DPP10: variants seen among roughly 807,000 people sequenced by gnomAD.
DPP10 encodes the protein dipeptidyl peptidase like 10.
Under a neutral mutation model 120.9 loss-of-function variants are expected in DPP10, and 33 were observed. That is an observed-to-expected ratio of 0.27 (90% CI 0.21 to 0.37). The LOEUF (loss-of-function observed/expected upper bound fraction) is 0.37. Among genes scored for constraint, DPP10 ranks in the 10% least tolerant of loss-of-function variants. The pLI is 1.00. For missense variants in DPP10, 816 were observed against 942.8 expected, an observed-to-expected ratio of 0.87 and a Z score of 1.76; for synonymous variants, 337 against 326.1, an observed-to-expected ratio of 1.03 and a Z score of -0.36.
chr2:114,659,585 A>C (rs1697241383), intron 1 of DPP10, among the ~76,000 whole-genome samples: 3 of 152,068 alleles, frequency 2.0e-5, no homozygotes. Flanking sequence ...CCAAGAGTGC[A>C]TTCATTGCTT....
At chr2:114,727,042 C>CA (rs1345546769) in intron 1 of DPP10, among the ~76,000 whole-genome samples, 4 of 152,140 alleles carry the variant, frequency 2.6e-5, no homozygotes, top group African/African-American at 9.7e-5. Flanking sequence ...GTTTGGATCC[C>CA]AATTTTCCCA....
intron 1 of DPP10, among the ~76,000 whole-genome samples, chr2:115,246,387 C>T (rs2058534469): frequency 1.3e-5 from 2 of 152,048 alleles, no homozygotes; most frequent in Non-Finnish European, 2.9e-5. Flanking sequence ...CTTTATTCTG[C>T]CTGGGGAAAG....
At chr2:115,380,611 A>C (rs1466337300) in intron 3 of DPP10, among the ~76,000 whole-genome samples, 2 of 150,246 alleles carry the variant, frequency 1.3e-5, no homozygotes, top group African/African-American at 4.9e-5. Flanking sequence ...TTAGCTGGTT[A>C]TTTTGCTCGT....
chr2:115,377,803 A>G (rs2065933326), intron 3 of DPP10, among the ~76,000 whole-genome samples: 1 of 152,144 alleles, frequency 6.6e-6, no homozygotes, highest in African/African-American at 2.4e-5. Flanking sequence ...CATTTATTAA[A>G]TAGGGAATCC....
chr2:114,850,156 G>A (rs1049775364), intron 1 of DPP10, among the ~76,000 whole-genome samples: 1 of 151,400 alleles, frequency 6.6e-6, no homozygotes, highest in African/African-American at 2.4e-5. Flanking sequence ...AAGTAGCTGG[G>A]ACTATAGGTG....
Position 115,524,991 on chromosome 2 carries a change from A to G in DPP10, c.367-907A>G, listed in dbSNP as rs1016865783. Among the ~76,000 whole-genome samples, 3 of 152,218 alleles carry G rather than the reference A, an allele frequency of 2.0e-5. No homozygotes were observed. In the East Asian group the frequency reaches 5.8e-4, roughly 29 times the overall value. ...AAAACAAACAAACAAACAAACAAAAACAAAACAAAGAAACTCTGACTTTAC... is the reference window on the plus strand; with the variant it reads ...AAAACAAACAAACAAACAAACAAAAGCAAAACAAAGAAACTCTGACTTTAC... On this transcript the variant is annotated intron_variant, in intron 4 of 25. Transcript: ENST00000410059.
At chr2:114,875,328 T>C (rs1232105373) in intron 1 of DPP10, among the ~76,000 whole-genome samples, 1 of 152,158 alleles carries the variant, frequency 6.6e-6, no homozygotes, top group Non-Finnish European at 1.5e-5. Flanking sequence ...CATAGCCATT[T>C]GGGACAGCAG....
chr2:115,701,318 G>T (rs945857157), intron 7 of DPP10, among the ~76,000 whole-genome samples: 7 of 152,016 alleles, frequency 4.6e-5, no homozygotes, highest in Admixed American at 4.6e-4. Flanking sequence ...AAATGAAGGT[G>T]CCAAATCATT....
chr2:114,551,370 C>A (rs1486674344), intron 1 of DPP10, among the ~76,000 whole-genome samples: 2 of 152,178 alleles, frequency 1.3e-5, no homozygotes, highest in Admixed American at 6.5e-5. Context: ...AGGTTGTATC[C>A]TCTCAAGTGA....
In DPP10 at chr2:114,978,483, G is replaced by A. The variant is rs554640710; in HGVS notation, c.61-330756G>A. ...GCAATCACAGGGAAAGTAGTAGTTG[G>A]TGCAATATACTTGTCTATAACAACA... On this transcript the variant is annotated intron_variant, in intron 1 of 25. Transcript: ENST00000410059. 7.2e-5 allele frequency among the ~76,000 whole-genome samples: 11 copies of A among 152,156 alleles called. No individual in the cohort carries two copies. The East Asian group carries it at 1.4e-3, about 19-fold the overall frequency.
At chr2:115,153,591 T>C (rs1468786289) in intron 1 of DPP10, among the ~76,000 whole-genome samples, 1 of 152,198 alleles carries the variant, frequency 6.6e-6, no homozygotes, top group African/African-American at 2.4e-5. Flanking sequence ...GTACATTTGG[T>C]TCTGATATCT....
chr2:115,233,842 G>A (rs1574102077), intron 1 of DPP10: 1 of 467,856 alleles, frequency 2.1e-6, no homozygotes. Context: ...GTGGGATGCA[G>A]GCTTTTCCCC....
chr2:115,452,679 T>C, intron 3 of DPP10, among the ~76,000 whole-genome samples: 1 of 151,962 alleles, frequency 6.6e-6, no homozygotes, highest in Non-Finnish European at 1.5e-5. Context: ...TTTTTTTAAC[T>C]TTTACATGTC....
chr2:114,673,269 C>T lies in DPP10; in HGVS notation c.60+230431C>T, dbSNP rs146926871. 5.2e-3 allele frequency among the ~76,000 whole-genome samples: 785 copies of T among 152,154 alleles called. 2 individuals are homozygous for T. Among genetic ancestry groups the T allele is most frequent in the African/African-American group, 0.018 (749 of 41,516 alleles). On this transcript the variant is annotated intron_variant, in intron 1 of 25. Transcript: ENST00000410059. Reference sequence around the variant, plus strand: ...CCATAGTTCCACCCAGTGCCTAAGACGAGCGAATAGTTTCCAGTTCACATG... The same window carrying T: ...CCATAGTTCCACCCAGTGCCTAAGATGAGCGAATAGTTTCCAGTTCACATG...
At chr2:115,647,312 T>G (rs569996904) in intron 5 of DPP10, among the ~76,000 whole-genome samples, 1 of 152,282 alleles carries the variant, frequency 6.6e-6, no homozygotes, top group South Asian at 2.1e-4. Flanking sequence ...GCAGTTGAAG[T>G]TGTGGCAGCA....
intron 1 of DPP10, among the ~76,000 whole-genome samples, chr2:114,514,895 A>C (rs1428714752): frequency 2.0e-5 from 3 of 152,042 alleles, no homozygotes; most frequent in Non-Finnish European, 1.5e-5. Flanking sequence ...TCCTATTGCC[A>C]ATAGATATCA....
At chr2:114,907,469 G>A (rs1285975280) in intron 1 of DPP10, among the ~76,000 whole-genome samples, 2 of 151,966 alleles carry the variant, frequency 1.3e-5, no homozygotes, top group African/African-American at 4.8e-5. Flanking sequence ...TGCTTTTGCT[G>A]CATCTCATAG....
At chr2:114,708,745 G>GTTTTTGT (rs932671735) in intron 1 of DPP10, among the ~76,000 whole-genome samples, 1 of 151,998 alleles carries the variant, frequency 6.6e-6, no homozygotes, top group African/African-American at 2.4e-5. Context: ...ACTTTTGTTT[G>GTTTTTGT]TTTTTGTTTT....
At chr2:114,498,895 C>A (rs559981079) in intron 1 of DPP10, among the ~76,000 whole-genome samples, 3 of 152,270 alleles carry the variant, frequency 2.0e-5, no homozygotes, top group Admixed American at 2.0e-4. Flanking sequence ...ATGGAACCAA[C>A]CTTAAGTGTC....
Sources: gnomAD v4.1 joint callset for allele counts (sites outside exome capture counted in the v4.1 genomes callset) on GRCh38, gnomAD v4.1.1 for gene constraint, MANE v1.5 for transcripts, NCBI Gene and HGNC (gene_info 2026-07-23, HGNC 2026-07-21) for gene names.